Variants in EPHB6 observed in about 807,000 individuals in gnomAD.
EPHB6 encodes ephrin type-B receptor 6.
A neutral mutation model predicts 107.0 loss-of-function variants in EPHB6; 51 were observed. The observed-to-expected ratio is 0.48, with a 90% confidence interval of 0.38 to 0.60. EPHB6 has a LOEUF of 0.60. EPHB6 is among the 20% of genes least tolerant of loss of function. The pLI, the probability that EPHB6 is intolerant of heterozygous loss-of-function variation, is 0.00. For missense variants in EPHB6, 1,141 were observed against 1,355.5 expected (o/e 0.84, Z 2.48); for synonymous variants, 553 against 549.0 (o/e 1.01, Z -0.10).
chr7:142,863,000 G>T, intron 4 of EPHB6, 127 bp from the exon 5 acceptor site: 1 of 571,840 alleles, frequency 1.7e-6, no homozygotes, highest in African/African-American at 1.9e-5. Flanking sequence ...GTCCCATGGT[G>T]GGTGCTGGGG....
At position 142,855,980 on chromosome 7, in the gene EPHB6, A is replaced by T. The variant is rs1802590997; in HGVS notation, c.-432+595A>T. 6.6e-6 allele frequency among the ~76,000 whole-genome samples: 1 copy of T among 151,864 alleles called. No individual in the cohort carries two copies. The highest frequency in any genetic ancestry group is 2.4e-5 in the African/African-American group (1 of 41,334). On this transcript the variant is annotated intron_variant, in intron 1 of 19. Coordinates refer to ENST00000652003, the MANE Select transcript of EPHB6 (RefSeq NM_004445.6). The surrounding 1 kb of genome is among the most constrained non-coding windows in gnomAD (Gnocchi z 4.2). ...GCTCCACCCTCGCTCTGCTCCCTCCATCTGGGTGCTTGGCCCTGCTTGCCC... is the reference window on the plus strand; with the variant it reads ...GCTCCACCCTCGCTCTGCTCCCTCCTTCTGGGTGCTTGGCCCTGCTTGCCC...
Position 142,869,225 on chromosome 7 carries a change from GAATCT to G in EPHB6, c.2460+79_2460+83del. 1.3e-6 allele frequency: 2 copies of G among 1,534,958 alleles called. No individual in the cohort carries two copies. Among genetic ancestry groups the G allele is most frequent in the Non-Finnish European group, 1.8e-6 (2 of 1,121,562 alleles). On this transcript the variant is annotated intron_variant, in intron 16 of 19. Coordinates refer to ENST00000652003, the MANE Select transcript of EPHB6 (RefSeq NM_004445.6). The surrounding 1 kb of genome is among the most constrained non-coding windows in gnomAD (Gnocchi z 4.5). ...AGGTGCTGGGGTCGGGGGTGAGCTG[GAATCT>G]GGGGTAGGTACCTCAGCCGGGGTGT...
At chr7:142,858,458 C>T (rs1802701568) in intron 1 of EPHB6, among the ~76,000 whole-genome samples, 1 of 86,862 alleles carries the variant, frequency 1.2e-5, no homozygotes, top group Admixed American at 2.0e-4. Context: ...TTTTTTGAGA[C>T]AGCATCTTGC....
rs8177157 is a variant in EPHB6 at position 142,867,967 on chromosome 7, G to A, written c.1866-30G>A. The A allele has an allele frequency of 1.9e-4, 291 of 1,557,862 alleles. No homozygotes were observed. The African/African-American group carries it at 3.3e-3, about 17-fold the overall frequency. On this transcript the variant is annotated intron_variant, in intron 12 of 19. Coordinates refer to ENST00000652003, the MANE Select transcript of EPHB6 (RefSeq NM_004445.6). This position sits in a 1 kb window ranked among gnomAD's most constrained non-coding sequence, Gnocchi z 5.3. ...GCAGCAAGGGGGTGGAAATGGGAGC[G>A]TCATCCCCAGTCACCGTTTTGTTCC...
chr7:142,867,433 G>A lies in EPHB6; in HGVS notation c.1751-175G>A. ...GTGTTGTGTGTCCCTGTGTGTGGAT[G>A]TGGGAGGGCTGTGGGCGTGTGTGTG... On this transcript the variant is annotated intron_variant, in intron 11 of 19. Transcript: ENST00000652003. This position sits in a 1 kb window ranked among gnomAD's most constrained non-coding sequence, Gnocchi z 5.3. 1.5e-6 allele frequency: 1 copy of A among 681,708 alleles called. No individual in the cohort carries two copies. The highest frequency in any genetic ancestry group is 2.7e-6 in the Non-Finnish European group (1 of 375,332). 42.2% of individuals were successfully genotyped at this position (681,708 alleles called of 1,614,324 possible).
At chr7:142,860,770 C>T (rs185914548) in intron 1 of EPHB6, among the ~76,000 whole-genome samples, 77 of 152,210 alleles carry the variant, frequency 5.1e-4, no homozygotes, top group South Asian at 3.9e-3. Flanking sequence ...TCAGCCCACG[C>T]GTATGTAGAA....
At position 142,870,296 on chromosome 7, in the gene EPHB6, C is replaced by G. The variant is rs777322601; in HGVS notation, c.2693C>G (p.Thr898Ser). ...PPGLHLLMLD[T>S]WQKDRARRPH... ...GGATTACATCTACTTATGTTGGACA[C>G]TTGGCAGAAGGACCGTGCCCGGCGG... The change falls in exon 18 of 20, where the codon ACT becomes AGT. Residue 898 changes from threonine (T) to serine (S), a missense_variant. Transcript: ENST00000652003. 1.2e-6 allele frequency: 2 copies of G among 1,614,256 alleles called. No homozygotes were observed. Among genetic ancestry groups the G allele is most frequent in the South Asian group, 1.1e-5 (1 of 91,090 alleles).
rs940084620 is a variant in EPHB6 at position 142,855,842 on chromosome 7, C to G, written c.-432+457C>G. On this transcript the variant is annotated intron_variant, in intron 1 of 19. Transcript: ENST00000652003. The surrounding 1 kb of genome is among the most constrained non-coding windows in gnomAD (Gnocchi z 4.2). The stretch of plus-strand genomic sequence containing the variant: ...CCCTGCTCCCCACAAGGCACTGTCC[C>G]CCCCAGCTCCATGACCACAGTTAAG... Among the ~76,000 whole-genome samples the G allele has an allele frequency of 6.6e-6, 1 of 152,306 alleles. No homozygotes were observed. Among genetic ancestry groups the G allele is most frequent in the African/African-American group, 2.4e-5 (1 of 41,572 alleles).
chr7:142,866,963 A>C lies in EPHB6; in HGVS notation c.1645A>C (p.Thr549Pro). The C allele has an allele frequency of 6.2e-7, 1 of 1,614,042 alleles. No homozygotes were observed. Among genetic ancestry groups the C allele is most frequent in the South Asian group, 1.1e-5 (1 of 91,058 alleles). Residue 549 changes from threonine (T) to proline (P), a missense_variant, in exon 11 of 20, where the codon ACA (threonine) becomes CCA (proline). This residue lies in a region of EPHB6 where 616 missense variants were observed against 759.3 expected (regional missense o/e 0.81). Transcript: ENST00000652003. The surrounding 1 kb of genome is among the most constrained non-coding windows in gnomAD (Gnocchi z 5.2). ...CAGCGAGACCAACACTGCCACCGTG[A>C]CACAGCTGAGCCCTGGCCACATCTA... ...LTSETNTATV[T>P]QLSPGHIYGF...
In EPHB6 at chr7:142,866,660, C is replaced by T. The variant is rs1370097967; in HGVS notation, c.1587+55C>T. 1 of 1,612,728 alleles carries T rather than the reference C, an allele frequency of 6.2e-7. No individual in the cohort carries two copies. Among genetic ancestry groups the T allele is most frequent in the African/African-American group, 1.3e-5 (1 of 74,872 alleles). On this transcript the variant is annotated intron_variant, in intron 10 of 19. Transcript: ENST00000652003. The surrounding 1 kb of genome is among the most constrained non-coding windows in gnomAD (Gnocchi z 5.2). ...AGGGCTGGTAGGAGCTCATAGGCCT[C>T]ACAGTGGGGCCCAGAGGTGACCAGG...
In EPHB6 at chr7:142,864,605, C is replaced by T. The variant is rs2116426613; in HGVS notation, c.805C>T (p.Pro269Ser). The T allele has an allele frequency of 6.2e-7, 1 of 1,612,668 alleles. No individual in the cohort carries two copies. Among genetic ancestry groups the T allele is most frequent in the Non-Finnish European group, 8.5e-7 (1 of 1,179,696 alleles). Residue 269 changes from proline to serine, a missense_variant, in exon 7 of 20, where the codon CCA becomes TCA. Physicochemically the swap from Pro to Ser is moderately conservative, Grantham distance 74 (BLOSUM62 -1). Coordinates refer to ENST00000652003, the MANE Select transcript of EPHB6 (RefSeq NM_004445.6). The stretch of plus-strand genomic sequence containing the variant: ...GGGCACCTGTGTGGCTCATGCAGAG[C>T]CAGAGGAGGATGGAGTAGGGGGCCA... Reference protein sequence around the residue: ...AVGTCVAHAEPEEDGVGGQAG... With the variant: ...AVGTCVAHAESEEDGVGGQAG...
In EPHB6 at chr7:142,864,612, A is replaced by G. The variant is rs1259454680; in HGVS notation, c.812A>G (p.Glu271Gly). ...TGTGTGGCTCATGCAGAGCCAGAGGAGGATGGAGTAGGGGGCCAGGCAGGA... is the reference window on the plus strand; with the variant it reads ...TGTGTGGCTCATGCAGAGCCAGAGGGGGATGGAGTAGGGGGCCAGGCAGGA... ...GTCVAHAEPEEDGVGGQAGGS... is the reference protein window; with the variant it reads ...GTCVAHAEPEGDGVGGQAGGS... The change falls in exon 7 of 20, where the codon GAG becomes GGG. Residue 271 changes from glutamate (E) to glycine (G), a missense_variant. By Grantham distance (98) the Glu-to-Gly change is moderately conservative (BLOSUM62 -2). Around this residue, in one of 3 missense-constraint regions of EPHB6, gnomAD observed 304 missense variants for 295.7 expected, o/e 1.03. Transcript: ENST00000652003. The G allele has an allele frequency of 6.2e-7, 1 of 1,612,382 alleles. No individual in the cohort carries two copies.
chr7:142,856,821 A>G (rs1802631320), intron 1 of EPHB6, among the ~76,000 whole-genome samples: 1 of 152,152 alleles, frequency 6.6e-6, no homozygotes, highest in South Asian at 2.1e-4. Context: ...CGGAACCAGC[A>G]CTGATGTGCA....
intron 7 of EPHB6, 123 bp from the exon 8 acceptor site, chr7:142,865,352 A>C: frequency 7.7e-7 from 1 of 1,304,656 alleles, no homozygotes; most frequent in Non-Finnish European, 1.1e-6. Flanking sequence ...TCAGTCTTGG[A>C]AGAAAAGGAG....
In EPHB6 at chr7:142,870,697, G is replaced by A. The variant is rs1376110566; in HGVS notation, c.2960+12G>A. ...CAGCTCAGCCTAGAGTAAGCAGGGA[G>A]TGGTGGGGTGGGGGCGAATGCTCCA... is the stretch of plus-strand genomic sequence containing the variant. On this transcript the variant is annotated intron_variant, in intron 19 of 19. Transcript: ENST00000652003. 6.2e-7 allele frequency: 1 copy of A among 1,614,234 alleles called. No individual in the cohort carries two copies. The highest frequency in any genetic ancestry group is 1.3e-5 in the African/African-American group (1 of 75,062).
At chr7:142,856,828 T>A (rs1414137514) in intron 1 of EPHB6, among the ~76,000 whole-genome samples, 1 of 152,154 alleles carries the variant, frequency 6.6e-6, no homozygotes, top group East Asian at 1.9e-4. Context: ...AGCACTGATG[T>A]GCATCTTCTG....
intron 3 of EPHB6, 112 bp from the exon 4 acceptor site, chr7:142,862,642 TCC>T (rs1802895990): frequency 6.5e-6 from 1 of 152,828 alleles, no homozygotes; most frequent in African/African-American, 2.4e-5. Flanking sequence ...TTCTAGAGCA[TCC>T]AGGTCCATCG....
rs1164138365 is a variant in EPHB6 at position 142,866,901 on chromosome 7, C to G, written c.1588-5C>G. 8.1e-6 allele frequency: 13 copies of G among 1,613,864 alleles called. No individual in the cohort carries two copies. Among genetic ancestry groups the G allele is most frequent in the Admixed American group, 1.7e-5 (1 of 60,004 alleles). The stretch of plus-strand genomic sequence containing the variant: ...AGGCAGGGAGTGAGTGGCTGTTACC[C>G]CCAGGCAGAAGACGAATCCCACTCC... On this transcript the variant is annotated splice_polypyrimidine_tract_variant and splice_region_variant and intron_variant, in intron 10 of 19. Coordinates refer to ENST00000652003, the MANE Select transcript of EPHB6 (RefSeq NM_004445.6). The surrounding 1 kb of genome is among the most constrained non-coding windows in gnomAD (Gnocchi z 5.2).
intron 1 of EPHB6, among the ~76,000 whole-genome samples, chr7:142,857,828 G>A (rs532211771): frequency 4.6e-5 from 7 of 152,292 alleles, no homozygotes; most frequent in African/African-American, 1.7e-4. Flanking sequence ...GGGACAGTTG[G>A]AACTTCTTGG....
Sources: allele counts gnomAD v4.1 joint callset (sites outside exome capture counted in the v4.1 genomes callset), GRCh38; gene constraint gnomAD v4.1.1; regional missense constraint gnomAD v4.1.1; non-coding constraint Gnocchi (gnomAD v3.1); transcripts MANE v1.5; gene names NCBI Gene and HGNC (gene_info 2026-07-23, HGNC 2026-07-21).